The following RECQL variants were observed in gnomAD, a reference collection of about 807,000 sequenced individuals.
RECQL encodes the protein ATP-dependent DNA helicase Q1.
In RECQL, 73 loss-of-function variants were observed where a neutral mutation model predicts 75.8. The observed-to-expected ratio is 0.96, with a 90% confidence interval of 0.80 to 1.17. The LOEUF is 1.17. RECQL is among the 50% of genes most tolerant of loss of function. The pLI is 0.00. For synonymous variants in RECQL, 248 were observed against 254.4 expected (o/e 0.97, Z 0.24); for missense variants, 699 against 772.1 (o/e 0.91, Z 1.12).
chr12:21,477,229 T>C (rs1211340434), intron 7 of RECQL, among the ~76,000 whole-genome samples: 1 of 152,162 alleles, frequency 6.6e-6, no homozygotes, highest in African/African-American at 2.4e-5. Context: ...GTGAATAACT[T>C]GCAAGGATGC....
At chr12:21,479,480 G>A (rs1313559296) in intron 6 of RECQL, among the ~76,000 whole-genome samples, 1 of 151,314 alleles carries the variant, frequency 6.6e-6, no homozygotes, top group African/African-American at 2.4e-5. Flanking sequence ...AGCCTTTCGA[G>A]TAGCTGGGAT....
intron 6 of RECQL, 124 bp from the exon 7 acceptor site, chr12:21,478,093 T>G (rs1209038924): frequency 2.2e-6 from 2 of 909,924 alleles, no homozygotes; most frequent in African/African-American, 3.4e-5. Context: ...TCTATAGCAG[T>G]AAATTTGCAG....
At chr12:21,497,375 A>G (rs1214733621) in intron 2 of RECQL, among the ~76,000 whole-genome samples, 2 of 152,226 alleles carry the variant, frequency 1.3e-5, no homozygotes, top group East Asian at 3.8e-4. Context: ...TATTGTCACT[A>G]CCTGAAAGTG....
At position 21,483,422 on chromosome 12, in the gene RECQL, C is replaced by G. The variant is rs1457958381; in HGVS notation, c.654G>C (p.Val218=). 1 of 1,605,512 alleles carries G rather than the reference C, an allele frequency of 6.2e-7. No homozygotes were observed. Among genetic ancestry groups the G allele is most frequent in the Non-Finnish European group, 8.5e-7 (1 of 1,177,708 alleles). The stretch of plus-strand genomic sequence containing the variant: ...ACTGACTACAGCAGTGAACTTCATC[C>G]ACAGCAATTCGAGTAAATCTCCTTG... The part of the protein sequence containing the change: ...YEARRFTRIA[V]DEVHCCSQWG... The change falls in exon 6 of 15, where the codon GTG becomes GTC. Residue 218 remains valine, a synonymous_variant. Coordinates refer to ENST00000444129, the MANE Select transcript of RECQL (RefSeq NM_002907.4).
intron 10 of RECQL, 118 bp downstream of exon 10, chr12:21,475,350 A>G (rs1175085368): frequency 3.0e-6 from 2 of 671,420 alleles, no homozygotes; most frequent in Non-Finnish European, 5.0e-6. Flanking sequence ...TGCTAAAAAT[A>G]CATTGTTCTA....
In RECQL at chr12:21,483,455, G is replaced by C. The variant is rs1943230534; in HGVS notation, c.621C>G (p.Ala207=). The C allele has an allele frequency of 6.2e-7, 1 of 1,605,654 alleles. No homozygotes were observed. Among genetic ancestry groups the C allele is most frequent in the Non-Finnish European group, 8.5e-7 (1 of 1,177,498 alleles). ...TTCGAGTAAATCTCCTTGCTTCATA[G>C]GCTTTCTCTAGTCTTGACATAAACA... is the stretch of plus-strand genomic sequence containing the variant. ...SKMFMSRLEK[A]YEARRFTRIA... Residue 207 remains alanine (A), a synonymous_variant, in exon 6 of 15, where the codon GCC becomes GCG. Transcript: ENST00000444129.
At chr12:21,486,844 T>C (rs1208164621) in intron 4 of RECQL, among the ~76,000 whole-genome samples, 1 of 151,770 alleles carries the variant, frequency 6.6e-6, no homozygotes, top group African/African-American at 2.4e-5. Flanking sequence ...CTAATTTCTT[T>C]TGTATTTTAG....
chr12:21,477,807 T>C lies in RECQL; in HGVS notation c.863A>G (p.Tyr288Cys), dbSNP rs748842496. ...ATTGACATAAAAATTACATACCTCA[T>C]AATATAGATTTGGCCTATTAAAAGA... ...TASFNRPNLYYEVRQKPSNTE... is the reference protein window; with the variant it reads ...TASFNRPNLYCEVRQKPSNTE... Residue 288 changes from tyrosine (Y) to cysteine (C), a missense_variant, in exon 7 of 15, where the codon TAT becomes TGT. Transcript: ENST00000444129. 1.3e-5 allele frequency: 21 copies of C among 1,607,456 alleles called. No homozygotes were observed. Among genetic ancestry groups the C allele is most frequent in the Non-Finnish European group, 1.8e-5 (21 of 1,175,666 alleles).
intron 1 of RECQL, among the ~76,000 whole-genome samples, chr12:21,500,629 A>C (rs1943593138): frequency 6.6e-6 from 1 of 152,176 alleles, no homozygotes; most frequent in African/African-American, 2.4e-5. Flanking sequence ...ATCTATACAA[A>C]CATCTCTTCA....
intron 2 of RECQL, among the ~76,000 whole-genome samples, chr12:21,493,248 C>A: frequency 6.6e-6 from 1 of 152,198 alleles, no homozygotes; most frequent in South Asian, 2.1e-4. Context: ...CATAACTATT[C>A]TATGTCATCA....
chr12:21,484,840 CT>C (rs773234766), intron 5 of RECQL, among the ~76,000 whole-genome samples: 38 of 151,590 alleles, frequency 2.5e-4, no homozygotes, highest in Non-Finnish European at 4.0e-4. Flanking sequence ...GAAAGAAAAC[CT>C]TAAAAATCTT....
At chr12:21,498,532 T>C (rs551820828) in intron 2 of RECQL, among the ~76,000 whole-genome samples, 34 of 152,268 alleles carry the variant, frequency 2.2e-4, no homozygotes. Flanking sequence ...ACTTGGCCAC[T>C]TTGGGTTCCT....
At chr12:21,488,144 T>C (rs1943341143) in intron 4 of RECQL, among the ~76,000 whole-genome samples, 1 of 152,200 alleles carries the variant, frequency 6.6e-6, no homozygotes, top group African/African-American at 2.4e-5. Context: ...ATAAAATTGC[T>C]CTAGCTAAGG....
chr12:21,471,393 C>A, intron 13 of RECQL, 35 bp downstream of exon 13: 2 of 1,559,372 alleles, frequency 1.3e-6, no homozygotes, highest in Admixed American at 1.9e-5. Context: ...ACCATAAAGA[C>A]AACCTGAAAG....
chr12:21,480,366 A>G (rs1943169717), intron 6 of RECQL, among the ~76,000 whole-genome samples: 1 of 152,210 alleles, frequency 6.6e-6, no homozygotes, highest in South Asian at 2.1e-4. Context: ...AAGCTGCTGC[A>G]GTAGACCAGT....
At chr12:21,498,095 C>T (rs1421249078) in intron 2 of RECQL, among the ~76,000 whole-genome samples, 1 of 152,158 alleles carries the variant, frequency 6.6e-6, no homozygotes, top group African/African-American at 2.4e-5. Context: ...TTACTTCTGA[C>T]CAAAGAACTC....
At chr12:21,481,786 C>T (rs934600269) in intron 6 of RECQL, among the ~76,000 whole-genome samples, 14 of 151,924 alleles carry the variant, frequency 9.2e-5, no homozygotes, top group Middle Eastern at 3.4e-3. Flanking sequence ...ACAGGAAGAG[C>T]GAAGGAGGTG....
At chr12:21,475,371 C>T (rs1406021753) in intron 10 of RECQL, 97 bp downstream of exon 10, 5 of 769,132 alleles carry the variant, frequency 6.5e-6, no homozygotes, top group Non-Finnish European at 1.1e-5. Context: ...AAAATACTAT[C>T]CAATAAAGAT....
intron 6 of RECQL, among the ~76,000 whole-genome samples, chr12:21,478,330 G>A (rs1020808278): frequency 4.0e-5 from 6 of 151,852 alleles, no homozygotes; most frequent in Non-Finnish European, 7.4e-5. Flanking sequence ...CCTATTTCTC[G>A]GAAACCATTC....
Sources: gnomAD v4.1 joint callset for allele counts (sites outside exome capture counted in the v4.1 genomes callset) on GRCh38, gnomAD v4.1.1 for gene constraint, MANE v1.5 for transcripts, NCBI Gene and HGNC (gene_info 2026-07-23, HGNC 2026-07-21) for gene names.